SRPK2: variants seen among roughly 807,000 people sequenced by gnomAD.
The protein encoded by SRPK2 is SFRS protein kinase 2.
SRPK2 carries 21 observed loss-of-function variants against 90.8 expected under a neutral mutation model. The observed-to-expected ratio is 0.23, with a 90% CI of 0.16 to 0.33. The LOEUF is 0.33. SRPK2 is among the 10% of genes least tolerant of loss of function. The probability of loss-of-function intolerance (pLI) is 1.00; values close to 1 mark genes in which losing one functional copy is unlikely to be tolerated. For synonymous variants in SRPK2, 288 were observed against 311.1 expected (o/e 0.93, Z 0.78); for missense variants, 620 against 869.0 (o/e 0.71, Z 3.60).
At chr7:105,237,737 C>T (rs983838861) in intron 2 of SRPK2, among the ~76,000 whole-genome samples, 4 of 152,200 alleles carry the variant, frequency 2.6e-5, no homozygotes. Flanking sequence ...AGACATGAGA[C>T]ATCTGAGTGC....
intron 2 of SRPK2, among the ~76,000 whole-genome samples, chr7:105,388,164 G>T (rs939410573): frequency 1.3e-5 from 2 of 152,118 alleles, no homozygotes; most frequent in Admixed American, 1.3e-4. Context: ...GGGAGGAAGG[G>T]GAGGCGAGAC....
Position 105,134,305 on chromosome 7 carries a change from C to A in SRPK2, c.1544-1201G>T, listed in dbSNP as rs190217557. Among the ~76,000 whole-genome samples, 7 of 152,220 alleles carry A rather than the reference C, an allele frequency of 4.6e-5. 1 individual carries two copies. The highest frequency in any genetic ancestry group is 2.1e-4 in the South Asian group (1 of 4,824). ...TCTCGTGATACTGAGTGAGTTCTCA[C>A]GAGATCTGGTTGTTTAAAAGTGTGT... On this transcript the variant is annotated intron_variant, in intron 11 of 15. Transcript: ENST00000393651.
At chr7:105,187,438 A>G (rs1436034046) in intron 3 of SRPK2, among the ~76,000 whole-genome samples, 2 of 152,214 alleles carry the variant, frequency 1.3e-5, no homozygotes, top group Non-Finnish European at 2.9e-5. Context: ...ATAATCTGCT[A>G]TGCTTTGCTA....
At chr7:105,330,283 G>A (rs1334426121) in intron 2 of SRPK2, among the ~76,000 whole-genome samples, 1 of 151,646 alleles carries the variant, frequency 6.6e-6, no homozygotes, top group African/African-American at 2.4e-5. Flanking sequence ...CTTGCAGTGA[G>A]CCGAGATCGC....
chr7:105,187,500 G>C (rs1793740397), intron 3 of SRPK2, among the ~76,000 whole-genome samples: 1 of 152,170 alleles, frequency 6.6e-6, no homozygotes, highest in Non-Finnish European at 1.5e-5. Flanking sequence ...CCACACATGA[G>C]TCTCTAGAGA....
chr7:105,236,177 T>C (rs1419083431), intron 2 of SRPK2, among the ~76,000 whole-genome samples: 2 of 152,244 alleles, frequency 1.3e-5, no homozygotes, highest in Admixed American at 6.5e-5. Context: ...TGCCACACTC[T>C]GATCTAGATT....
chr7:105,375,115 C>T (rs1820136113), intron 2 of SRPK2, among the ~76,000 whole-genome samples: 1 of 151,928 alleles, frequency 6.6e-6, no homozygotes, highest in African/African-American at 2.4e-5. Flanking sequence ...TTTTTATACT[C>T]CTATAATTTC....
At chr7:105,235,958 T>C (rs1800078064) in intron 2 of SRPK2, among the ~76,000 whole-genome samples, 3 of 152,210 alleles carry the variant, frequency 2.0e-5, no homozygotes. Flanking sequence ...TACTAACATC[T>C]ATAGGTACAT....
chr7:105,395,489 G>C (rs1359135593), intron 1 of SRPK2, among the ~76,000 whole-genome samples: 1 of 151,548 alleles, frequency 6.6e-6, no homozygotes, highest in Admixed American at 6.6e-5. Flanking sequence ...CAGCACTTTG[G>C]GAGGCCAAGG....
At chr7:105,269,862 G>T (rs892831739) in intron 2 of SRPK2, among the ~76,000 whole-genome samples, 2 of 152,128 alleles carry the variant, frequency 1.3e-5, no homozygotes, top group African/African-American at 4.8e-5. Flanking sequence ...TTTCCAACTG[G>T]ATTTTTAAAA....
intron 3 of SRPK2, among the ~76,000 whole-genome samples, chr7:105,172,079 A>T (rs1279016834): frequency 6.6e-6 from 1 of 152,124 alleles, no homozygotes; most frequent in African/African-American, 2.4e-5. Flanking sequence ...TTTTTAGTAG[A>T]GACAGGGTTT....
intron 2 of SRPK2, among the ~76,000 whole-genome samples, chr7:105,274,511 G>A (rs1056164210): frequency 2.6e-5 from 4 of 151,046 alleles, no homozygotes; most frequent in Admixed American, 6.6e-5. Context: ...GCAGTGAGCC[G>A]AGATCACACC....
intron 2 of SRPK2, among the ~76,000 whole-genome samples, chr7:105,295,470 G>A (rs889179944): frequency 4.6e-5 from 7 of 152,024 alleles, no homozygotes; most frequent in East Asian, 1.9e-4. Flanking sequence ...GCCACTAAAA[G>A]GAATGAAGTA....
At chr7:105,326,763 T>C (rs1813635709) in intron 2 of SRPK2, among the ~76,000 whole-genome samples, 1 of 152,160 alleles carries the variant, frequency 6.6e-6, no homozygotes, top group African/African-American at 2.4e-5. Flanking sequence ...CAAGTGTTTT[T>C]GTAAAGAATT....
intron 3 of SRPK2, among the ~76,000 whole-genome samples, chr7:105,197,097 G>A (rs1343187493): frequency 6.6e-6 from 1 of 151,938 alleles, no homozygotes; most frequent in Non-Finnish European, 1.5e-5. Flanking sequence ...GAGGGTTGGG[G>A]GGCAGGGAGG....
chr7:105,143,352 G>T lies in SRPK2; in HGVS notation c.814-22C>A, dbSNP rs753481606. On this transcript the variant is annotated intron_variant, in intron 9 of 15. Transcript: ENST00000393651. ...CTATCTATGTTAAGGAAAGACCACAGGTCAGTATTCTTCTTTTTAAAGCAC... is the reference window on the plus strand; with the variant it reads ...CTATCTATGTTAAGGAAAGACCACATGTCAGTATTCTTCTTTTTAAAGCAC... 3 of 1,599,942 alleles carry T rather than the reference G, an allele frequency of 1.9e-6. No individual in the cohort carries two copies. The South Asian group carries it at 3.4e-5, about 18-fold the overall frequency.
intron 2 of SRPK2, among the ~76,000 whole-genome samples, chr7:105,258,677 T>C (rs933360296): frequency 6.6e-6 from 1 of 152,120 alleles, no homozygotes; most frequent in Non-Finnish European, 1.5e-5. Flanking sequence ...ATCAAAAAGC[T>C]TATCCACCAC....
At chr7:105,324,800 T>C (rs886507946) in intron 2 of SRPK2, among the ~76,000 whole-genome samples, 2 of 152,180 alleles carry the variant, frequency 1.3e-5, no homozygotes, top group African/African-American at 4.8e-5. Context: ...GGCAGCAGAA[T>C]TGCTTGAGCC....
At chr7:105,175,719 T>C (rs914149954) in intron 3 of SRPK2, among the ~76,000 whole-genome samples, 3 of 151,928 alleles carry the variant, frequency 2.0e-5, no homozygotes, top group Non-Finnish European at 4.4e-5. Context: ...ATTAAAAAGA[T>C]AGAAGGGAAT....
Sources: allele counts gnomAD v4.1 joint callset (sites outside exome capture counted in the v4.1 genomes callset), GRCh38; gene constraint gnomAD v4.1.1; transcripts MANE v1.5; gene names NCBI Gene and HGNC (gene_info 2026-07-23, HGNC 2026-07-21).